Variants in ABLIM1 observed in about 807,000 individuals in gnomAD.
ABLIM1 encodes the protein actin binding LIM protein 1.
Under a neutral mutation model 107.0 loss-of-function variants are expected in ABLIM1, and 40 were observed. That is an observed-to-expected ratio of 0.37 (90% CI 0.29 to 0.49). The LOEUF is 0.49. ABLIM1 is among the 20% of genes least tolerant of loss of function. The pLI is 0.97. For missense variants in ABLIM1, 857 were observed against 1,008.5 expected (o/e 0.85, Z 2.04); for synonymous variants, 357 against 357.3 (o/e 1.00, Z 0.01).
intron 14 of ABLIM1, chr10:114,450,219 A>C (rs1202306766): frequency 2.4e-5 from 5 of 207,314 alleles, no homozygotes; most frequent in Non-Finnish European, 5.5e-5. Flanking sequence ...CATAAAAAAA[A>C]AAAAACAAAA....
rs142032808 is a variant in ABLIM1 at position 114,593,892 on chromosome 10, G to A, written c.379+7935C>T. On this transcript the variant is annotated intron_variant, in intron 2 of 22. Transcript: ENST00000533213. ...AACTAAATTATATTTATTTGACAAG[G>A]TAACACTTCAACATGGCAACAAATT... Among the ~76,000 whole-genome samples, 26 of 152,184 alleles carry A rather than the reference G, an allele frequency of 1.7e-4. No homozygotes were observed. The East Asian group carries it at 3.5e-3, about 20-fold the overall frequency.
intron 1 of ABLIM1, among the ~76,000 whole-genome samples, chr10:114,756,315 T>C (rs1304074211): frequency 3.3e-5 from 5 of 152,326 alleles, no homozygotes; most frequent in South Asian, 2.1e-4. Flanking sequence ...TTAATTAATA[T>C]AGTTTCATAT....
At chr10:114,680,560 A>G (rs1446765641) in intron 1 of ABLIM1, among the ~76,000 whole-genome samples, 6 of 152,174 alleles carry the variant, frequency 3.9e-5, no homozygotes, top group African/African-American at 1.2e-4. Flanking sequence ...AGGGGCAGAA[A>G]TGGTTTCTGA....
At chr10:114,742,178 G>A (rs559574844) in intron 1 of ABLIM1, among the ~76,000 whole-genome samples, 6 of 152,140 alleles carry the variant, frequency 3.9e-5, no homozygotes, top group Admixed American at 1.3e-4. Flanking sequence ...AAATATGAAT[G>A]CTCTAAGATA....
chr10:114,602,653 A>G (rs2076108232), intron 1 of ABLIM1, among the ~76,000 whole-genome samples: 1 of 152,226 alleles, frequency 6.6e-6, no homozygotes, highest in Non-Finnish European at 1.5e-5. Flanking sequence ...TAAACTAGGA[A>G]CAACATGGAT....
At chr10:114,527,132 G>A (rs771904280) in intron 6 of ABLIM1, among the ~76,000 whole-genome samples, 1 of 152,156 alleles carries the variant, frequency 6.6e-6, no homozygotes, top group Non-Finnish European at 1.5e-5. Context: ...GAGATTCTTA[G>A]GCTTTTTGAG....
At chr10:114,645,069 G>C (rs117322633) in intron 1 of ABLIM1, among the ~76,000 whole-genome samples, 1,583 of 152,308 alleles carry the variant, frequency 0.01, 15 homozygotes, top group East Asian at 0.017. Context: ...CATTAGAATG[G>C]AGAGGGAATG....
chr10:114,684,647 C>T (rs1013108898), exon 1 of ABLIM1: 2 of 1,174,662 alleles, frequency 1.7e-6, no homozygotes, highest in African/African-American at 1.5e-5. Flanking sequence ...AGCACATCAG[C>T]TCAATGACGC....
chr10:114,754,408 T>C lies in ABLIM1; in HGVS notation c.-213+13653A>G, dbSNP rs150573370. Among the ~76,000 whole-genome samples, 35 of 152,358 alleles carry C rather than the reference T, an allele frequency of 2.3e-4. No homozygotes were observed. The East Asian group carries it at 6.6e-3, about 29-fold the overall frequency. On this transcript the variant is annotated intron_variant, in intron 1 of 15. Transcript: ENST00000651092. ...CAGGACAAGGATCTGGAAATACACA[T>C]GTAATATTTGGTCCCTGGCTTCACA...
Position 114,641,246 on chromosome 10 carries a change from A to T in ABLIM1, c.244+16711T>A, listed in dbSNP as rs12777687. 4.5e-4 allele frequency among the ~76,000 whole-genome samples: 59 copies of T among 131,780 alleles called. 1 individual carries two copies. Among genetic ancestry groups the T allele is most frequent in the African/African-American group, 1.7e-3 (54 of 32,202 alleles). The allele number at this position is 131,780 out of a possible 152,430, so 86.5% of individuals were successfully genotyped here. A position where few individuals can be genotyped will look rare whatever the true frequency, so the allele number is the denominator to read the frequency against. Reference sequence around the variant, plus strand: ...TGAGAAAGTCACTGTGAAGCCAATCATAAAAAAAAAAAAAAAAAAAAAAAA... The same window carrying T: ...TGAGAAAGTCACTGTGAAGCCAATCTTAAAAAAAAAAAAAAAAAAAAAAAA... On this transcript the variant is annotated intron_variant, in intron 1 of 22. Coordinates refer to ENST00000533213, the MANE Select transcript of ABLIM1 (RefSeq NM_002313.7).
intron 1 of ABLIM1, among the ~76,000 whole-genome samples, chr10:114,710,171 C>T (rs1358068930): frequency 6.6e-6 from 1 of 152,212 alleles, no homozygotes; most frequent in East Asian, 1.9e-4. Context: ...GTTAGAGTGA[C>T]TCAGTAGGGC....
At chr10:114,644,540 G>T (rs889729419) in intron 1 of ABLIM1, among the ~76,000 whole-genome samples, 1 of 151,560 alleles carries the variant, frequency 6.6e-6, no homozygotes, top group African/African-American at 2.4e-5. Context: ...TTCATTGCTC[G>T]TCTGTCCCTG....
At chr10:114,746,246 T>C (rs1053947734) in intron 1 of ABLIM1, among the ~76,000 whole-genome samples, 5 of 152,168 alleles carry the variant, frequency 3.3e-5, no homozygotes, top group Non-Finnish European at 1.5e-5. Context: ...CCCATTCCTC[T>C]TACCCTACCC....
At position 114,564,390 on chromosome 10, in the gene ABLIM1, G is replaced by A. The variant is rs549087329; in HGVS notation, c.673+6907C>T. On this transcript the variant is annotated intron_variant, in intron 4 of 22. Coordinates refer to ENST00000533213, the MANE Select transcript of ABLIM1 (RefSeq NM_002313.7). The stretch of plus-strand genomic sequence containing the variant: ...AGCGATTCTTCTCCCTTAGCCTCCC[G>A]AGTAGCTGGGACTACCGGCGCGTGC... Among the ~76,000 whole-genome samples the A allele has an allele frequency of 3.4e-4, 51 of 151,686 alleles. No individual in the cohort carries two copies. In the Middle Eastern group the frequency reaches 0.01, roughly 31 times the overall value.
At position 114,451,625 on chromosome 10, in the gene ABLIM1, A is replaced by G. The variant is rs1208629378; in HGVS notation, c.1593T>C (p.His531=). The G allele has an allele frequency of 6.2e-7, 1 of 1,613,088 alleles. No individual in the cohort carries two copies. Among genetic ancestry groups the G allele is most frequent in the South Asian group, 1.1e-5 (1 of 91,058 alleles). ...TACGCGGAGGAAAGCGGGTTTTACC[A>G]TGCTGTTTGTAGATGGGTGGCTTTC... ...IYRKPPIYKQ[H]AALAAQSKSS... Residue 531 remains histidine (H), a splice_region_variant and synonymous_variant, in exon 14 of 23, where the codon CAT becomes CAC. Transcript: ENST00000533213.
At chr10:114,440,147 C>G in intron 19 of ABLIM1, 58 bp from the exon 20 acceptor site, 1 of 1,499,338 alleles carries the variant, frequency 6.7e-7, no homozygotes, top group African/African-American at 1.4e-5. Flanking sequence ...AAGCAAGGAA[C>G]CATTCACAGA....
chr10:114,692,892 A>G (rs183284514), intron 1 of ABLIM1, among the ~76,000 whole-genome samples: 286 of 152,354 alleles, frequency 1.9e-3, no homozygotes, highest in African/African-American at 6.6e-3. Flanking sequence ...TCCATCTCAC[A>G]CACACACAAA....
chr10:114,512,760 G>A (rs2062063288), intron 6 of ABLIM1, among the ~76,000 whole-genome samples: 1 of 151,846 alleles, frequency 6.6e-6, no homozygotes, highest in African/African-American at 2.4e-5. Context: ...AGGAAGTGGA[G>A]GTTGCGGTGA....
chr10:114,601,635 A>C, intron 2 of ABLIM1, 192 bp downstream of exon 2: 1 of 880,732 alleles, frequency 1.1e-6, no homozygotes, highest in Non-Finnish European at 1.8e-6. Flanking sequence ...CCCACGAATC[A>C]CTGGTTTTAG....
Sources: allele counts gnomAD v4.1 joint callset (sites outside exome capture counted in the v4.1 genomes callset), GRCh38; gene constraint gnomAD v4.1.1; transcripts MANE v1.5; gene names NCBI Gene and HGNC (gene_info 2026-07-23, HGNC 2026-07-21).